Variants in DISC1 observed in about 807,000 individuals in gnomAD.
DISC1 encodes DISC1 scaffold protein, also known as disrupted in schizophrenia 1 protein.
A neutral mutation model predicts 84.5 loss-of-function variants in DISC1; 57 were observed. The observed-to-expected ratio is 0.67, with a 90% CI of 0.55 to 0.84. DISC1 has a LOEUF of 0.84. Among genes scored for constraint, DISC1 ranks in the 40% least tolerant of loss-of-function variants. The pLI is 0.00. For synonymous variants in DISC1, 411 were observed against 415.2 expected, an observed-to-expected ratio of 0.99 and a Z score of 0.12; for missense variants, 1,000 against 1,057.8, an observed-to-expected ratio of 0.95 and a Z score of 0.76.
intron 6 of DISC1, among the ~76,000 whole-genome samples, chr1:231,771,998 GA>G (rs2076587697): frequency 1.3e-5 from 2 of 150,780 alleles, no homozygotes; most frequent in Non-Finnish European, 2.9e-5. Flanking sequence ...GTTTTTTGCA[GA>G]AATGGTGTCT....
At chr1:231,735,925 A>G (rs1169881466) in intron 3 of DISC1, among the ~76,000 whole-genome samples, 1 of 152,042 alleles carries the variant, frequency 6.6e-6, no homozygotes, top group African/African-American at 2.4e-5. Flanking sequence ...CCATCCTCCT[A>G]CCTCAGCCTC....
intron 9 of DISC1, among the ~76,000 whole-genome samples, chr1:231,849,576 A>G (rs1026748262): frequency 1.3e-5 from 2 of 152,000 alleles, no homozygotes; most frequent in African/African-American, 4.8e-5. Context: ...TTTCATGTGT[A>G]TATGTGTGTG....
chr1:231,871,038 G>C (rs2085421269), intron 9 of DISC1, among the ~76,000 whole-genome samples: 1 of 152,062 alleles, frequency 6.6e-6, no homozygotes, highest in African/African-American at 2.4e-5. Flanking sequence ...GGATGTGGTG[G>C]GGGCTGGACC....
In DISC1 at chr1:231,626,821, A is replaced by G. The variant is rs1354010423; in HGVS notation, c.-47A>G. ...CCCCCGCCTCTGGCCTCGGGGAAGG[A>G]GCAGGAGGCAGCCCAGGCGGAGCGG... On this transcript the variant is annotated 5_prime_UTR_variant, in exon 1 of 13. Transcript: ENST00000439617. 7.3e-7 allele frequency: 1 copy of G among 1,377,024 alleles called. No individual in the cohort carries two copies. Among genetic ancestry groups the G allele is most frequent in the Non-Finnish European group, 9.4e-7 (1 of 1,060,396 alleles). The allele number at this position is 1,377,024 out of a possible 1,614,324, so 85.3% of individuals were successfully genotyped here. A position where few individuals can be genotyped will look rare whatever the true frequency, so the allele number is the denominator to read the frequency against.
intron 3 of DISC1, among the ~76,000 whole-genome samples, chr1:231,716,635 A>T (rs896487017): frequency 6.6e-6 from 1 of 152,224 alleles, no homozygotes; most frequent in Non-Finnish European, 1.5e-5. Flanking sequence ...TACATGGAAT[A>T]CTAAAGACAA....
At chr1:231,932,805 T>A (rs2090748609) in intron 9 of DISC1, among the ~76,000 whole-genome samples, 2 of 152,164 alleles carry the variant, frequency 1.3e-5, no homozygotes, top group Admixed American at 1.3e-4. Context: ...CTGTAGTAGA[T>A]GCATTGACTA....
intron 1 of DISC1, among the ~76,000 whole-genome samples, chr1:231,676,675 T>C (rs1030141821): frequency 1.3e-5 from 2 of 152,222 alleles, no homozygotes; most frequent in Non-Finnish European, 2.9e-5. Flanking sequence ...ACCAATCTCA[T>C]TTTCACATTC....
intron 12 of DISC1, among the ~76,000 whole-genome samples, chr1:232,030,213 G>GT (rs1669872456): frequency 6.6e-6 from 1 of 152,312 alleles, no homozygotes; most frequent in African/African-American, 2.4e-5. Context: ...CATTTTCACA[G>GT]TCATCTGGGG....
chr1:231,627,117 G>A (rs2058318760), intron 1 of DISC1, among the ~76,000 whole-genome samples, 183 bp downstream of exon 1: 1 of 152,212 alleles, frequency 6.6e-6, no homozygotes, highest in Admixed American at 6.5e-5. Flanking sequence ...GTCTTGGGCT[G>A]CCAGCCCGGC....
chr1:231,713,698 TAG>T (rs1558400617), intron 3 of DISC1, among the ~76,000 whole-genome samples: 2 of 108,452 alleles, frequency 1.8e-5, no homozygotes, highest in African/African-American at 8.4e-5. Context: ...TATATATATA[TAG>T]GAGATATATA....
chr1:231,904,979 A>T (rs1366480047), intron 9 of DISC1, among the ~76,000 whole-genome samples: 2 of 152,246 alleles, frequency 1.3e-5, no homozygotes, highest in Non-Finnish European at 2.9e-5. Flanking sequence ...ATATGCAAAT[A>T]AACACACTGA....
At chr1:231,888,191 C>T (rs2086913587) in intron 9 of DISC1, among the ~76,000 whole-genome samples, 1 of 152,072 alleles carries the variant, frequency 6.6e-6, no homozygotes, top group Non-Finnish European at 1.5e-5. Flanking sequence ...GGGAAGGGTA[C>T]TGAGGGAGTT....
At chr1:231,949,923 G>T (rs570469992) in intron 9 of DISC1, among the ~76,000 whole-genome samples, 2 of 152,296 alleles carry the variant, frequency 1.3e-5, no homozygotes, top group South Asian at 4.1e-4. Flanking sequence ...AAGTGGGTCT[G>T]AATTTTTTAT....
At chr1:231,676,139 C>T (rs976842909) in intron 1 of DISC1, among the ~76,000 whole-genome samples, 17 of 152,124 alleles carry the variant, frequency 1.1e-4, no homozygotes, top group Non-Finnish European at 2.9e-5. Context: ...GGGCCACCGC[C>T]CCCATCGTCT....
chr1:231,706,432 T>C (rs1235011973), intron 3 of DISC1, among the ~76,000 whole-genome samples: 1 of 152,206 alleles, frequency 6.6e-6, no homozygotes, highest in African/African-American at 2.4e-5. Flanking sequence ...TGCACCTGTT[T>C]GTGCTCCATA....
intron 10 of DISC1, among the ~76,000 whole-genome samples, chr1:232,001,358 C>T (rs1355052727): frequency 2.6e-5 from 4 of 151,948 alleles, no homozygotes; most frequent in East Asian, 1.9e-4. Context: ...GGATTACACA[C>T]GTGAGCCACC....
chr1:231,842,650 C>T (rs2083159916), intron 9 of DISC1, among the ~76,000 whole-genome samples: 1 of 152,104 alleles, frequency 6.6e-6, no homozygotes, highest in African/African-American at 2.4e-5. Flanking sequence ...GGAGTGTGAG[C>T]TGTGTCAGAC....
At chr1:231,906,566 T>A (rs2088659696) in intron 9 of DISC1, among the ~76,000 whole-genome samples, 2 of 152,298 alleles carry the variant, frequency 1.3e-5, no homozygotes, top group South Asian at 2.1e-4. Context: ...AAAACAAAAC[T>A]AAACTAAACT....
intron 6 of DISC1, among the ~76,000 whole-genome samples, chr1:231,794,554 A>G (rs2078609029): frequency 1.3e-5 from 2 of 152,192 alleles, no homozygotes; most frequent in African/African-American, 4.8e-5. Flanking sequence ...TTCATTCTAC[A>G]GGTATTGACT....
Sources: allele counts gnomAD v4.1 joint callset (sites outside exome capture counted in the v4.1 genomes callset), GRCh38; gene constraint gnomAD v4.1.1; transcripts MANE v1.5; gene names NCBI Gene and HGNC (gene_info 2026-07-23, HGNC 2026-07-21).